Variants in STAT4 observed in about 807,000 individuals in gnomAD.
STAT4 encodes signal transducer and activator of transcription 4.
STAT4 carries 42 observed loss-of-function variants against 110.5 expected under a neutral mutation model. That is an observed-to-expected ratio of 0.38 (90% confidence interval 0.30 to 0.49). The LOEUF (loss-of-function observed/expected upper bound fraction) is 0.49, where lower values mean the gene tolerates loss of function less well. STAT4 is among the 20% of genes least tolerant of loss of function. The pLI, the probability that STAT4 is intolerant of heterozygous loss-of-function variation, is 0.95. For synonymous variants in STAT4, 284 were observed against 302.2 expected (o/e 0.94, Z 0.63); for missense variants, 632 against 887.9 (o/e 0.71, Z 3.66).
At position 191,147,978 on chromosome 2, in the gene STAT4, C is replaced by T; in HGVS notation, c.128+98G>A. ...GAAAGTTCTTTACCTGAAAAGAATG[C>T]ATCTACTGAGTAAAAAGTGGACCAT... On this transcript the variant is annotated intron_variant, in intron 2 of 23. Coordinates refer to ENST00000392320, the MANE Select transcript of STAT4 (RefSeq NM_003151.4). The surrounding 1 kb of genome is among the most constrained non-coding windows in gnomAD (Gnocchi z 4.1). The T allele has an allele frequency of 6.6e-7, 1 of 1,510,004 alleles. No homozygotes were observed. The highest frequency in any genetic ancestry group is 9.0e-7 in the Non-Finnish European group (1 of 1,110,220). The allele number at this position is 1,510,004 out of a possible 1,614,324, so 93.5% of individuals were successfully genotyped here.
In STAT4 at chr2:191,138,246, C is replaced by T. The variant is rs1699232850; in HGVS notation, c.273+8367G>A. ...AAAACTAAATCCAAACCCAGCATAA[C>T]ACAAGAAATAACAAAGATCAGAGAA... On this transcript the variant is annotated intron_variant, in intron 3 of 23. Transcript: ENST00000392320. The surrounding 1 kb of genome is among the most constrained non-coding windows in gnomAD (Gnocchi z 4.3). Among the ~76,000 whole-genome samples the T allele has an allele frequency of 6.6e-6, 1 of 151,598 alleles. No individual in the cohort carries two copies. Among genetic ancestry groups the T allele is most frequent in the African/African-American group, 2.4e-5 (1 of 41,280 alleles).
intron 7 of STAT4, 80 bp from the exon 8 acceptor site, chr2:191,065,038 T>C: frequency 7.2e-7 from 1 of 1,381,174 alleles, no homozygotes; most frequent in South Asian, 1.7e-5. Flanking sequence ...CTATTTGACC[T>C]GGTAGACAAA....
chr2:191,067,153 T>A (rs1348436643), intron 6 of STAT4, among the ~76,000 whole-genome samples: 1 of 152,060 alleles, frequency 6.6e-6, no homozygotes, highest in African/African-American at 2.4e-5. Flanking sequence ...AAAAAAAGAT[T>A]TATCCTTTTT....
Position 191,058,671 on chromosome 2 carries a change from A to G in STAT4, c.1094+39T>C, listed in dbSNP as rs772771006. ...GGCCATTCATTTTTAAAAGTCTTACATTTGGAATTGTAATTCAAAACGAAA... is the reference window on the plus strand; with the variant it reads ...GGCCATTCATTTTTAAAAGTCTTACGTTTGGAATTGTAATTCAAAACGAAA... On this transcript the variant is annotated intron_variant, in intron 11 of 23. Transcript: ENST00000392320. The surrounding 1 kb of genome is among the most constrained non-coding windows in gnomAD (Gnocchi z 4.3). 1.0e-5 allele frequency: 13 copies of G among 1,261,788 alleles called. No homozygotes were observed. Among genetic ancestry groups the G allele is most frequent in the African/African-American group, 1.5e-5 (1 of 66,676 alleles). 78.2% of individuals were successfully genotyped at this position (1,261,788 alleles called of 1,614,324 possible). A position where few individuals can be genotyped will look rare whatever the true frequency, so the allele number is the denominator to read the frequency against.
Position 191,116,993 on chromosome 2 carries a change from T to C in STAT4, c.273+29620A>G, listed in dbSNP as rs532782910. On this transcript the variant is annotated intron_variant, in intron 3 of 23. Coordinates refer to ENST00000392320, the MANE Select transcript of STAT4 (RefSeq NM_003151.4). The surrounding 1 kb of genome is among the most constrained non-coding windows in gnomAD (Gnocchi z 4.1). ...GATCTCCATGTGATTCTTTTTGCAT[T>C]ACTTTGAGCAGAGTCTCAATCTTGG... Among the ~76,000 whole-genome samples, 1 of 152,308 alleles carries C rather than the reference T, an allele frequency of 6.6e-6. No individual in the cohort carries two copies. Among genetic ancestry groups the C allele is most frequent in the Non-Finnish European group, 1.5e-5 (1 of 68,028 alleles).
intron 3 of STAT4, among the ~76,000 whole-genome samples, chr2:191,109,441 C>T (rs113337118): frequency 2.6e-5 from 4 of 152,124 alleles, no homozygotes; most frequent in African/African-American, 7.2e-5. Context: ...GCTCTGTGTT[C>T]GGTTTGTCTA....
rs544742338 is a variant in STAT4, at chr2:191,107,211, T to C, written c.274-30886A>G. ...TTTTGTGAGGTCTTTGGTATGATAG[T>C]AGTCATTTTATCCCCAGGGTCAAAC... is the stretch of plus-strand genomic sequence containing the variant. On this transcript the variant is annotated intron_variant, in intron 3 of 23. Transcript: ENST00000392320. This position sits in a 1 kb window ranked among gnomAD's most constrained non-coding sequence, Gnocchi z 4.2. Among the ~76,000 whole-genome samples the C allele has an allele frequency of 6.6e-6, 1 of 152,348 alleles. No individual in the cohort carries two copies. Among genetic ancestry groups the C allele is most frequent in the South Asian group, 2.1e-4 (1 of 4,822 alleles).
At position 191,030,898 on chromosome 2, in the gene STAT4, C is replaced by A. The variant is rs182351497; in HGVS notation, c.2220+74G>T. On this transcript the variant is annotated intron_variant, in intron 23 of 23. Coordinates refer to ENST00000392320, the MANE Select transcript of STAT4 (RefSeq NM_003151.4). This position sits in a 1 kb window ranked among gnomAD's most constrained non-coding sequence, Gnocchi z 4.4. ...CTCCCTACCCAGGCAGTATTTCAGC[C>A]CCTTTGATTCACACACCACCTTTGC... The A allele has an allele frequency of 7.3e-7, 1 of 1,362,882 alleles. No homozygotes were observed. 84.4% of individuals were successfully genotyped at this position (1,362,882 alleles called of 1,614,324 possible).
chr2:191,047,694 C>T (rs560648422), intron 14 of STAT4, among the ~76,000 whole-genome samples: 1 of 152,284 alleles, frequency 6.6e-6, no homozygotes, highest in South Asian at 2.1e-4. Flanking sequence ...GAGACAGAGT[C>T]TTGCTCTGTC....
chr2:191,064,927 T>C lies in STAT4; in HGVS notation c.662A>G (p.His221Arg), dbSNP rs780454944. ...EALSKMTQII[H>R]ETDLLMNTML... The stretch of plus-strand genomic sequence containing the variant: ...GGTGTTCATTAACAGGTCTGTCTCA[T>C]GGATGATTTGGGTCATTTTACTGAG... Residue 221 changes from histidine (H) to arginine (R), a missense_variant, in exon 8 of 24, where the codon CAT becomes CGT. His to Arg is a conservative substitution (Grantham distance 29). Around this residue, in one of 4 missense-constraint regions of STAT4, gnomAD observed 488 missense variants for 632.8 expected, o/e 0.77. Transcript: ENST00000392320. 16 of 1,607,562 alleles carry C rather than the reference T, an allele frequency of 1.0e-5. No individual in the cohort carries two copies. The East Asian group carries it at 3.6e-4, about 36-fold the overall frequency.
At chr2:191,049,287 G>C (rs1273249913) in intron 14 of STAT4, among the ~76,000 whole-genome samples, 1 of 144,744 alleles carries the variant, frequency 6.9e-6, no homozygotes, top group Non-Finnish European at 1.5e-5. Flanking sequence ...CCATTCTCTT[G>C]CCTCAGCCTC....
At position 191,117,754 on chromosome 2, in the gene STAT4, G is replaced by A. The variant is rs762294782; in HGVS notation, c.273+28859C>T. Among the ~76,000 whole-genome samples, 7 of 152,036 alleles carry A rather than the reference G, an allele frequency of 4.6e-5. No individual in the cohort carries two copies. The highest frequency in any genetic ancestry group is 4.8e-5 in the African/African-American group (2 of 41,394). ...ATCCACCATTGCTTATTTTTCTTCC[G>A]ATGCCTGGATGCATCCCTCCTTTGT... On this transcript the variant is annotated intron_variant, in intron 3 of 23. Transcript: ENST00000392320. The surrounding 1 kb of genome is among the most constrained non-coding windows in gnomAD (Gnocchi z 5.2).
chr2:191,039,995 G>A lies in STAT4; in HGVS notation c.1336-698C>T, dbSNP rs1696144501. Among the ~76,000 whole-genome samples the A allele has an allele frequency of 6.6e-6, 1 of 152,166 alleles. No homozygotes were observed. The highest frequency in any genetic ancestry group is 2.1e-4 in the South Asian group (1 of 4,822). On this transcript the variant is annotated intron_variant, in intron 15 of 23. Transcript: ENST00000392320. This position sits in a 1 kb window ranked among gnomAD's most constrained non-coding sequence, Gnocchi z 4.7. ...AACTTTAACAACTCATAAAAACAGA[G>A]GTTTAGGGAAAGGAGGTGAGGAAGG...
rs1574199987 is a variant in STAT4 at position 191,142,661 on chromosome 2, T to C, written c.273+3952A>G. On this transcript the variant is annotated intron_variant, in intron 3 of 23. Coordinates refer to ENST00000392320, the MANE Select transcript of STAT4 (RefSeq NM_003151.4). The surrounding 1 kb of genome is among the most constrained non-coding windows in gnomAD (Gnocchi z 4.1). ...ATTCAAAGATGATGAATAATCCAAATACCCTGACTTAATCATTACACATTC... is the reference window on the plus strand; with the variant it reads ...ATTCAAAGATGATGAATAATCCAAACACCCTGACTTAATCATTACACATTC... Among the ~76,000 whole-genome samples the C allele has an allele frequency of 6.6e-6, 1 of 152,172 alleles. No individual in the cohort carries two copies. Among genetic ancestry groups the C allele is most frequent in the Non-Finnish European group, 1.5e-5 (1 of 68,024 alleles).
At chr2:191,130,300 G>T (rs1698998631) in intron 3 of STAT4, among the ~76,000 whole-genome samples, 1 of 144,826 alleles carries the variant, frequency 6.9e-6, no homozygotes, top group Non-Finnish European at 1.5e-5. Flanking sequence ...TCAGCTCACT[G>T]CAAGCTAGGG....
chr2:191,109,283 G>T (rs1574163372), intron 3 of STAT4, among the ~76,000 whole-genome samples: 1 of 151,268 alleles, frequency 6.6e-6, no homozygotes, highest in Non-Finnish European at 1.5e-5. Flanking sequence ...CAGGTTTTTT[G>T]TTTTTTTGTT....
At chr2:191,044,788 A>G (rs1429068582) in intron 14 of STAT4, among the ~76,000 whole-genome samples, 2 of 152,234 alleles carry the variant, frequency 1.3e-5, no homozygotes, top group African/African-American at 4.8e-5. Flanking sequence ...ATAGATGGAC[A>G]TGTTTGACCA....
chr2:191,056,777 CTA>C (rs1696708396), intron 13 of STAT4, among the ~76,000 whole-genome samples: 1 of 121,018 alleles, frequency 8.3e-6, no homozygotes, highest in Non-Finnish European at 1.7e-5. Context: ...CCCTTCTACA[CTA>C]TTTTTTTTTT....
intron 14 of STAT4, among the ~76,000 whole-genome samples, chr2:191,049,534 G>C (rs1268498178): frequency 6.6e-6 from 1 of 152,054 alleles, no homozygotes; most frequent in Non-Finnish European, 1.5e-5. Flanking sequence ...ATATGACTGG[G>C]ATATAGGGTG....
Sources: allele counts gnomAD v4.1 joint callset (sites outside exome capture counted in the v4.1 genomes callset), GRCh38; gene constraint gnomAD v4.1.1; regional missense constraint gnomAD v4.1.1; non-coding constraint Gnocchi (gnomAD v3.1); transcripts MANE v1.5; gene names NCBI Gene and HGNC (gene_info 2026-07-23, HGNC 2026-07-21).